Variants in CDKN2B-AS1 observed in about 807,000 individuals in gnomAD.
The protein encoded by CDKN2B-AS1 is CDKN2B antisense RNA 1 (non-protein coding).
chr9:22,043,842 T>C (rs1361206337), intron 1 of CDKN2B-AS1, among the ~76,000 whole-genome samples: 1 of 152,008 alleles, frequency 6.6e-6, no homozygotes, highest in Non-Finnish European at 1.5e-5. Flanking sequence ...TATTTTTTTG[T>C]CTGTATGCAC....
chr9:22,045,031 TATTTATTTGTGTG>T (rs1009676769), intron 1 of CDKN2B-AS1, among the ~76,000 whole-genome samples: 4 of 115,496 alleles, frequency 3.5e-5, no homozygotes, highest in African/African-American at 2.0e-4. Context: ...GGAAAAATAT[TATTTATTTGTGTG>T]TGTGTGTGTG....
chr9:22,033,283 G>C (rs1350900706), intron 1 of CDKN2B-AS1, among the ~76,000 whole-genome samples: 1 of 152,164 alleles, frequency 6.6e-6, no homozygotes, highest in African/African-American at 2.4e-5. Flanking sequence ...AGTGTTGCTT[G>C]CTTCTGTTTT....
rs562979912 is a variant in CDKN2B-AS1, at chr9:22,029,304, A to G, written n.30-17447A>G. The G allele has an allele frequency of 2.2e-5, 14 of 651,016 alleles. No individual in the cohort carries two copies. In the East Asian group the frequency reaches 3.1e-4, roughly 14 times the overall value. 40.3% of individuals were successfully genotyped at this position (651,016 alleles called of 1,614,324 possible). On this transcript the variant is annotated intron_variant and non_coding_transcript_variant, in intron 1 of 4. Transcript: ENST00000650946. ...GAGAGAGAAAGCTATTACCGTCTTT[A>G]TCAAATAGGAGAGCCTGATCATGTG...
chr9:22,061,843 A>G (rs1823834007), intron 4 of CDKN2B-AS1: 1 of 152,042 alleles, frequency 6.6e-6, no homozygotes, highest in Non-Finnish European at 1.5e-5. Flanking sequence ...TACATATATA[A>G]ATCTATATAT....
At chr9:22,106,051 C>G (rs533815528) in intron 4 of CDKN2B-AS1, among the ~76,000 whole-genome samples, 1 of 152,112 alleles carries the variant, frequency 6.6e-6, no homozygotes, top group East Asian at 1.9e-4. Flanking sequence ...GCTGGGATTA[C>G]AGGCACCTGC....
At chr9:22,004,270 C>CA (rs1821061154) in intron 1 of CDKN2B-AS1, 1 of 232,354 alleles carries the variant, frequency 4.3e-6, no homozygotes, top group Non-Finnish European at 8.5e-6. Context: ...GTATTCAACT[C>CA]AAATGTACTC....
intron 4 of CDKN2B-AS1, among the ~76,000 whole-genome samples, chr9:22,110,135 G>C (rs1457705493): frequency 6.6e-6 from 1 of 152,138 alleles, no homozygotes; most frequent in Non-Finnish European, 1.5e-5. Context: ...AGGATAGTTT[G>C]AAATAGATAC....
chr9:22,089,599 A>G (rs1563974235), intron 4 of CDKN2B-AS1, among the ~76,000 whole-genome samples: 1 of 151,540 alleles, frequency 6.6e-6, no homozygotes, highest in Non-Finnish European at 1.5e-5. Flanking sequence ...CCTGGCTAAT[A>G]TCTCTCTTTT....
intron 1 of CDKN2B-AS1, among the ~76,000 whole-genome samples, chr9:22,017,050 T>A (rs1821795892): frequency 6.6e-6 from 1 of 152,254 alleles, no homozygotes; most frequent in African/African-American, 2.4e-5. Flanking sequence ...CAGTTTTATC[T>A]TATATACTTC....
Position 22,004,933 on chromosome 9 carries a change from G to T in CDKN2B-AS1, n.29+9772G>T, listed in dbSNP as rs1288188433. 20 of 233,174 alleles carry T rather than the reference G, an allele frequency of 8.6e-5. No individual in the cohort carries two copies. In the East Asian group the frequency reaches 1.2e-3, roughly 14 times the overall value. 14.4% of individuals were successfully genotyped at this position (233,174 alleles called of 1,614,324 possible). Reference sequence around the variant, plus strand: ...CAATCTAGGCGTTTGCACTGAGTTTGCAACAGTGCCATTGCTACATTTAAG... The same window carrying T: ...CAATCTAGGCGTTTGCACTGAGTTTTCAACAGTGCCATTGCTACATTTAAG... On this transcript the variant is annotated intron_variant and non_coding_transcript_variant, in intron 1 of 4. Transcript: ENST00000650946.
intron 3 of CDKN2B-AS1, among the ~76,000 whole-genome samples, chr9:22,055,968 T>C (rs1017544250): frequency 6.6e-6 from 1 of 152,026 alleles, no homozygotes; most frequent in African/African-American, 2.4e-5. Flanking sequence ...AGAAAGCATA[T>C]TTTATTAGTG....
chr9:22,024,321 C>G (rs1822139969), intron 1 of CDKN2B-AS1, among the ~76,000 whole-genome samples: 1 of 152,134 alleles, frequency 6.6e-6, no homozygotes, highest in South Asian at 2.1e-4. Flanking sequence ...TGTTGGAGGA[C>G]CAAGGTGTGG....
chr9:22,019,178 T>C (rs1463068383), intron 1 of CDKN2B-AS1, among the ~76,000 whole-genome samples: 1 of 152,234 alleles, frequency 6.6e-6, no homozygotes. Flanking sequence ...TGTAGAGCTG[T>C]ATAGGCCATG....
chr9:22,064,363 A>T (rs1823949481), intron 4 of CDKN2B-AS1, among the ~76,000 whole-genome samples: 1 of 152,174 alleles, frequency 6.6e-6, no homozygotes, highest in South Asian at 2.1e-4. Flanking sequence ...CAGATGAAAT[A>T]CACAGCATAG....
chr9:22,109,951 C>T (rs1465722390), intron 4 of CDKN2B-AS1, among the ~76,000 whole-genome samples: 1 of 152,128 alleles, frequency 6.6e-6, no homozygotes, highest in Non-Finnish European at 1.5e-5. Context: ...TCTGCAGCTT[C>T]CATCCTAACT....
intron 4 of CDKN2B-AS1, among the ~76,000 whole-genome samples, chr9:22,072,894 G>A (rs996449082): frequency 6.6e-6 from 1 of 152,102 alleles, no homozygotes; most frequent in Admixed American, 6.6e-5. Context: ...TGTTTAAATC[G>A]GGAATAATAT....
intron 2 of CDKN2B-AS1, among the ~76,000 whole-genome samples, chr9:22,048,682 G>T (rs1823210066): frequency 6.6e-6 from 1 of 152,078 alleles, no homozygotes; most frequent in Non-Finnish European, 1.5e-5. Context: ...TACAACAAAT[G>T]AGTGAAATTT....
intron 1 of CDKN2B-AS1, among the ~76,000 whole-genome samples, chr9:22,020,507 G>T (rs544814845): frequency 7.8e-4 from 118 of 152,136 alleles, no homozygotes; most frequent in African/African-American, 2.7e-3. Flanking sequence ...GAGTCTAAGT[G>T]TTCCTTTTTC....
At chr9:22,093,781 G>C (rs1230561715) in intron 4 of CDKN2B-AS1, among the ~76,000 whole-genome samples, 1 of 144,230 alleles carries the variant, frequency 6.9e-6, no homozygotes, top group Non-Finnish European at 1.5e-5. Flanking sequence ...CAATTTGCCA[G>C]TCTGTGTCTT....
Sources: gnomAD v4.1 joint callset for allele counts (sites outside exome capture counted in the v4.1 genomes callset) on GRCh38, gnomAD v4.1.1 for gene constraint, MANE v1.5 for transcripts, NCBI Gene and HGNC (gene_info 2026-07-23, HGNC 2026-07-21) for gene names.